SORBS3: variants seen among roughly 807,000 people sequenced by gnomAD.
SORBS3 encodes vinexin.
Under a neutral mutation model 98.0 loss-of-function variants are expected in SORBS3, and 69 were observed. The observed-to-expected ratio is 0.70, with a 90% CI of 0.58 to 0.86. The LOEUF is 0.86. SORBS3 is among the 40% of genes least tolerant of loss of function. The pLI is 0.00. For missense variants in SORBS3, 954 were observed against 908.5 expected (o/e 1.05, Z -0.64); for synonymous variants, 394 against 355.4 (o/e 1.11, Z -1.22).
chr8:22,547,584 G>T (rs1840029359), upstream of SORBS3, among the ~76,000 whole-genome samples: 1 of 152,212 alleles, frequency 6.6e-6, no homozygotes, highest in South Asian at 2.1e-4. Flanking sequence ...AGCTGGGAAA[G>T]AAGGCTGATG....
upstream of SORBS3, chr8:22,551,773 G>A (rs1057210128): frequency 1.9e-5 from 19 of 984,658 alleles, no homozygotes; most frequent in Non-Finnish European, 2.2e-5. The surrounding 1 kb of genome is among the most constrained non-coding windows in gnomAD (Gnocchi z 5.8). Context: ...CCAGATCCGA[G>A]ACCCAAACTC....
chr8:22,554,810 C>A lies in SORBS3; in HGVS notation c.103-53C>A. ...TGTGGGCTGTGCCTAGTAGCCATCC[C>A]TCCCTCCCGCCCTGCTGGGCCCTGA... On this transcript the variant is annotated intron_variant, in intron 2 of 20. Coordinates refer to ENST00000240123, the MANE Select transcript of SORBS3 (RefSeq NM_005775.5). This position sits in a 1 kb window ranked among gnomAD's most constrained non-coding sequence, Gnocchi z 6.5. The A allele has an allele frequency of 2.1e-6, 3 of 1,428,814 alleles. No individual in the cohort carries two copies. The highest frequency in any genetic ancestry group is 2.9e-6 in the Non-Finnish European group (3 of 1,019,436). 88.5% of individuals were successfully genotyped at this position (1,428,814 alleles called of 1,614,324 possible).
At chr8:22,560,293 CA>C (rs1219017405) in intron 5 of SORBS3, among the ~76,000 whole-genome samples, 1 of 151,944 alleles carries the variant, frequency 6.6e-6, no homozygotes, top group Non-Finnish European at 1.5e-5. Context: ...CCAGCTTGGG[CA>C]ACATAGCATG....
chr8:22,564,832 G>A, intron 10 of SORBS3: 2 of 1,308,094 alleles, frequency 1.5e-6, no homozygotes, highest in Non-Finnish European at 2.0e-6. Flanking sequence ...GGCCTGATTC[G>A]GCGAAGACCC....
At chr8:22,572,504 C>G (rs1257889898) in intron 20 of SORBS3, 58 bp downstream of exon 20, 2 of 1,318,008 alleles carry the variant, frequency 1.5e-6, no homozygotes, top group East Asian at 4.6e-5. Flanking sequence ...GGGTGGGGTG[C>G]TGTTGCCTGC....
At chr8:22,558,307 C>T (rs1325953210) in intron 5 of SORBS3, 115 bp downstream of exon 5, 15 of 954,128 alleles carry the variant, frequency 1.6e-5, no homozygotes, top group African/African-American at 1.6e-5. Flanking sequence ...TCTCCACCTT[C>T]TCCCAGGCTC....
chr8:22,549,315 C>T (rs557502806), upstream of SORBS3, among the ~76,000 whole-genome samples: 1 of 152,310 alleles, frequency 6.6e-6, no homozygotes, highest in South Asian at 2.1e-4. Context: ...AGCCAGCCGG[C>T]CAGCCGCCTT....
In SORBS3 at chr8:22,563,090, G is replaced by A. The variant is rs529464103; in HGVS notation, c.585-897G>A. On this transcript the variant is annotated intron_variant, in intron 7 of 20. Coordinates refer to ENST00000240123, the MANE Select transcript of SORBS3 (RefSeq NM_005775.5). ...GCCGGGATTGCGCCACTGCACTCCA[G>A]CCTGGGCGACAGAGCGAGACTCCGT... Among the ~76,000 whole-genome samples the A allele has an allele frequency of 2.4e-3, 364 of 152,014 alleles. 4 individuals are homozygous for A. The highest frequency in any genetic ancestry group is 4.3e-3 in the Non-Finnish European group (289 of 67,986).
rs771509795 is a variant in SORBS3, at chr8:22,561,856, C to A, written c.518-9C>A. On this transcript the variant is annotated splice_polypyrimidine_tract_variant and intron_variant, in intron 6 of 20. Coordinates refer to ENST00000240123, the MANE Select transcript of SORBS3 (RefSeq NM_005775.5). ...CCTTCAATGCTTTCCTCGTGTACCTCCTCTGCAGACCCCAGGCATCTAGGA... is the reference window on the plus strand; with the variant it reads ...CCTTCAATGCTTTCCTCGTGTACCTACTCTGCAGACCCCAGGCATCTAGGA... The A allele has an allele frequency of 7.4e-6, 12 of 1,613,692 alleles. No homozygotes were observed. In the Admixed American group the frequency reaches 1.8e-4, roughly 25 times the overall value.
At chr8:22,561,466 G>T in intron 6 of SORBS3, 93 bp downstream of exon 6, 1 of 1,438,822 alleles carries the variant, frequency 7.0e-7, no homozygotes. Context: ...CTGGCTTTGG[G>T]GCTCTCCAGT....
upstream of SORBS3, among the ~76,000 whole-genome samples, chr8:22,548,418 A>T (rs1311363313): frequency 6.6e-6 from 1 of 152,146 alleles, no homozygotes; most frequent in Non-Finnish European, 1.5e-5. Context: ...ATTCCTCACC[A>T]TTGTGTCACT....
At chr8:22,562,444 G>C (rs536603977) in intron 7 of SORBS3, among the ~76,000 whole-genome samples, 1 of 152,228 alleles carries the variant, frequency 6.6e-6, no homozygotes, top group African/African-American at 2.4e-5. Flanking sequence ...CACAGGCTCC[G>C]CCCGGCTGCT....
chr8:22,573,448 G>A (rs1462380038), intron 20 of SORBS3: 4 of 453,730 alleles, frequency 8.8e-6, no homozygotes, highest in Non-Finnish European at 1.8e-5. Flanking sequence ...GCGGCATTCA[G>A]CTGTTGAAAT....
In SORBS3 at chr8:22,567,128, G is replaced by A; in HGVS notation, c.1258G>A (p.Gly420Arg). 1 of 1,613,326 alleles carries A rather than the reference G, an allele frequency of 6.2e-7. No individual in the cohort carries two copies. Among genetic ancestry groups the A allele is most frequent in the Non-Finnish European group, 8.5e-7 (1 of 1,179,634 alleles). ...GGAGGTGGACAAGAACTGGCTGGAG[G>A]GAGAGCACCACGGCCGCCTGGGCAT... Reference protein sequence around the residue: ...HKEVDKNWLEGEHHGRLGIFP... With the variant: ...HKEVDKNWLEREHHGRLGIFP... The change falls in exon 16 of 21, where the codon GGA becomes AGA. Residue 420 changes from glycine (G) to arginine (R), a missense_variant. Coordinates refer to ENST00000240123, the MANE Select transcript of SORBS3 (RefSeq NM_005775.5).
In SORBS3 at chr8:22,574,960, C is replaced by T; in HGVS notation, c.*232C>T. 1.5e-6 allele frequency: 1 copy of T among 678,398 alleles called. No homozygotes were observed. The allele number at this position is 678,398 out of a possible 1,614,324, so 42.0% of individuals were successfully genotyped here. On this transcript the variant is annotated 3_prime_UTR_variant, in exon 21 of 21. Transcript: ENST00000240123. ...GCCCTTTCATTTCCTCCCCACCCCA[C>T]TCCCCAAATACAGAGGTCTGCTTTG...
chr8:22,567,365 G>A (rs1840453811), intron 16 of SORBS3, among the ~76,000 whole-genome samples, 190 bp downstream of exon 16: 1 of 152,230 alleles, frequency 6.6e-6, no homozygotes, highest in African/African-American at 2.4e-5. Flanking sequence ...TTTGCTAAAT[G>A]AGGGTGGAGC....
intron 7 of SORBS3, among the ~76,000 whole-genome samples, chr8:22,562,251 C>T (rs1168052016): frequency 6.6e-6 from 1 of 152,128 alleles, no homozygotes; most frequent in Non-Finnish European, 1.5e-5. Flanking sequence ...CTTATGAGAC[C>T]GGGAGTGGGG....
rs189601642 is a variant in SORBS3 at position 22,554,484 on chromosome 8, A to T, written c.-23A>T. The stretch of plus-strand genomic sequence containing the variant: ...GCAGAGGAGCAGCTGGCTTGCCCGG[A>T]GTCCTCCCACCTTGACCCAAGCATG... On this transcript the variant is annotated 5_prime_UTR_variant, in exon 2 of 21. Transcript: ENST00000240123. This position sits in a 1 kb window ranked among gnomAD's most constrained non-coding sequence, Gnocchi z 6.5. The T allele has an allele frequency of 6.6e-4, 1,060 of 1,604,546 alleles. 3 individuals carry two copies. The African/African-American group carries it at 0.013, about 19-fold the overall frequency.
Position 22,554,622 on chromosome 8 carries a change from T to C in SORBS3, c.102+14T>C. ...CGGGGGACACGGGTGAGTGAGTCAGTAGGGAGGAGGGTGTCCTGCGGGCCC... is the reference window on the plus strand; with the variant it reads ...CGGGGGACACGGGTGAGTGAGTCAGCAGGGAGGAGGGTGTCCTGCGGGCCC... On this transcript the variant is annotated intron_variant, in intron 2 of 20. Transcript: ENST00000240123. This position sits in a 1 kb window ranked among gnomAD's most constrained non-coding sequence, Gnocchi z 6.5. The C allele has an allele frequency of 6.2e-7, 1 of 1,607,838 alleles. No homozygotes were observed. Among genetic ancestry groups the C allele is most frequent in the South Asian group, 1.1e-5 (1 of 90,598 alleles).
Sources: gnomAD v4.1 joint callset for allele counts (sites outside exome capture counted in the v4.1 genomes callset) on GRCh38, gnomAD v4.1.1 for gene constraint, Gnocchi (gnomAD v3.1) non-coding constraint, MANE v1.5 for transcripts, NCBI Gene and HGNC (gene_info 2026-07-23, HGNC 2026-07-21) for gene names.